SEM1: variants seen among roughly 807,000 people sequenced by gnomAD.
The protein encoded by SEM1 is 26S proteasome complex subunit SEM1.
Under a neutral mutation model 12.7 loss-of-function variants are expected in SEM1, and 3 were observed. The observed-to-expected ratio is 0.24, with a 90% CI of 0.11 to 0.61. The LOEUF (loss-of-function observed/expected upper bound fraction) is 0.61. Among genes scored for constraint, SEM1 ranks in the 20% least tolerant of loss-of-function variants. The pLI, the probability that SEM1 is intolerant of heterozygous loss-of-function variation, is 0.88. For synonymous variants in SEM1, 30 were observed against 27.8 expected, an observed-to-expected ratio of 1.08 and a Z score of -0.25; for missense variants, 59 against 81.3, an observed-to-expected ratio of 0.73 and a Z score of 1.06.
intron 2 of SEM1, among the ~76,000 whole-genome samples, chr7:96,694,475 G>C (rs1285276864): frequency 6.6e-6 from 1 of 151,920 alleles, no homozygotes; most frequent in Non-Finnish European, 1.5e-5. Context: ...AGCACTCTAT[G>C]ATTCTAATTT....
chr7:96,656,699 A>G (rs1809191792), intron 2 of SEM1: 3 of 152,218 alleles, frequency 2.0e-5, no homozygotes, highest in Non-Finnish European at 2.9e-5. Context: ...GTGGTAAAAG[A>G]TGAAGTGATA....
At chr7:96,648,330 A>G (rs759038594) in intron 2 of SEM1, among the ~76,000 whole-genome samples, 2 of 152,210 alleles carry the variant, frequency 1.3e-5, no homozygotes, top group Admixed American at 1.3e-4. Context: ...AGTGAGAAAC[A>G]TAATACATAC....
intron 2 of SEM1, among the ~76,000 whole-genome samples, chr7:96,611,221 C>T (rs1807529168): frequency 6.6e-6 from 1 of 152,208 alleles, no homozygotes; most frequent in South Asian, 2.1e-4. Flanking sequence ...AATCTCATCA[C>T]TCTTTCAGAG....
chr7:96,483,133 G>C (rs1324288223), exon 4 of SEM1: 1 of 151,976 alleles, frequency 6.6e-6, no homozygotes, highest in Non-Finnish European at 1.5e-5. Flanking sequence ...TACTTCATAG[G>C]CATTATGTCA....
chr7:96,491,826 C>G (rs905688752), intron 1 of SEM1, among the ~76,000 whole-genome samples: 4 of 152,196 alleles, frequency 2.6e-5, no homozygotes, highest in African/African-American at 9.6e-5. Flanking sequence ...TTTTTTTTAA[C>G]TGTAAAGAAA....
chr7:96,534,479 A>G (rs1356415101), intron 2 of SEM1, among the ~76,000 whole-genome samples: 1 of 152,094 alleles, frequency 6.6e-6, no homozygotes, highest in African/African-American at 2.4e-5. Flanking sequence ...TAAAAGGTCC[A>G]TTCGAAGTGC....
intron 2 of SEM1, among the ~76,000 whole-genome samples, chr7:96,659,953 A>G (rs573139625): frequency 6.6e-6 from 1 of 151,622 alleles, no homozygotes; most frequent in Non-Finnish European, 1.5e-5. Flanking sequence ...CAAATATATC[A>G]GACATCACAG....
intron 2 of SEM1, among the ~76,000 whole-genome samples, chr7:96,643,119 T>C (rs369203469): frequency 1.3e-5 from 2 of 151,920 alleles, no homozygotes; most frequent in East Asian, 3.9e-4. Context: ...CAACCTCCAA[T>C]AGGTCCCAGT....
At chr7:96,580,829 T>A (rs77193816) in intron 2 of SEM1, among the ~76,000 whole-genome samples, 18 of 151,866 alleles carry the variant, frequency 1.2e-4, no homozygotes, top group East Asian at 3.9e-4. Context: ...TTGTTTTTTC[T>A]CATAAATTTG....
At chr7:96,536,219 T>C (rs1029184934) in intron 2 of SEM1, among the ~76,000 whole-genome samples, 1 of 151,928 alleles carries the variant, frequency 6.6e-6, no homozygotes, top group Non-Finnish European at 1.5e-5. Context: ...AATTTCTAAA[T>C]ACTTGGGGAA....
At chr7:96,486,207 A>G (rs2117201057) in exon 2 of SEM1, 2 of 1,534,908 alleles carry the variant, frequency 1.3e-6, no homozygotes, top group Non-Finnish European at 1.7e-6. Context: ...GCTTACCTGC[A>G]GACCCAGGCT....
At chr7:96,514,922 T>C (rs1386971486) in intron 2 of SEM1, among the ~76,000 whole-genome samples, 1 of 152,000 alleles carries the variant, frequency 6.6e-6, no homozygotes, top group African/African-American at 2.4e-5. Context: ...AAAATTTATA[T>C]GGAAAGGCAA....
At chr7:96,511,341 C>T (rs1803928250) in intron 2 of SEM1, among the ~76,000 whole-genome samples, 1 of 152,040 alleles carries the variant, frequency 6.6e-6, no homozygotes, top group Non-Finnish European at 1.5e-5. Flanking sequence ...GCCATAAAAA[C>T]AATATAATCA....
At chr7:96,583,308 A>C (rs9770533) in intron 2 of SEM1, among the ~76,000 whole-genome samples, 135,959 of 141,584 alleles carry the variant, frequency 0.96, 65,521 homozygotes, top group East Asian at 1. Context: ...ATCCTGAGTT[A>C]TAGTTTGATT....
intron 2 of SEM1, among the ~76,000 whole-genome samples, chr7:96,667,636 A>C (rs993329362): frequency 6.6e-6 from 1 of 152,216 alleles, no homozygotes; most frequent in African/African-American, 2.4e-5. Context: ...ACTGAGCCAC[A>C]TACTCAATTG....
chr7:96,606,103 TTTA>T (rs1807369826), intron 2 of SEM1, among the ~76,000 whole-genome samples: 1 of 152,162 alleles, frequency 6.6e-6, no homozygotes, highest in Non-Finnish European at 1.5e-5. Context: ...CTTGTTCTAT[TTTA>T]TTATTAGTTA....
chr7:96,514,608 T>A (rs1036831782), intron 2 of SEM1, among the ~76,000 whole-genome samples: 16 of 152,092 alleles, frequency 1.1e-4, no homozygotes, highest in African/African-American at 3.9e-4. Context: ...CTTTCCTATA[T>A]ACCAGCAACG....
At chr7:96,554,632 A>G (rs1354741033) in intron 2 of SEM1, among the ~76,000 whole-genome samples, 1 of 151,664 alleles carries the variant, frequency 6.6e-6, no homozygotes, top group Non-Finnish European at 1.5e-5. Context: ...ATCAATGTTA[A>G]TCAAGGATAT....
chr7:96,637,368 A>C (rs563221817), intron 2 of SEM1: 1 of 152,160 alleles, frequency 6.6e-6, no homozygotes, highest in East Asian at 1.9e-4. Flanking sequence ...GTGTGTCCCA[A>C]GCTTTTGCAG....
Sources: gnomAD v4.1 joint callset for allele counts (sites outside exome capture counted in the v4.1 genomes callset) on GRCh38, gnomAD v4.1.1 for gene constraint, MANE v1.5 for transcripts, NCBI Gene and HGNC (gene_info 2026-07-23, HGNC 2026-07-21) for gene names.